The following CCDC62 variants were observed in gnomAD, a reference collection of about 807,000 sequenced individuals.
CCDC62 encodes the protein coiled-coil domain-containing protein 62.
CCDC62 carries 72 observed loss-of-function variants against 80.8 expected under a neutral mutation model. The observed-to-expected ratio is 0.89, with a 90% CI of 0.74 to 1.08. CCDC62 has a LOEUF of 1.08. Among genes scored for constraint, CCDC62 ranks in the 50% least tolerant of loss-of-function variants. The pLI is 0.00. For synonymous variants in CCDC62, 286 were observed against 296.5 expected (o/e 0.96, Z 0.36); for missense variants, 704 against 809.4 (o/e 0.87, Z 1.58).
intron 10 of CCDC62, among the ~76,000 whole-genome samples, chr12:122,811,091 G>A (rs1267343771): frequency 6.6e-6 from 1 of 151,334 alleles, no homozygotes; most frequent in East Asian, 1.9e-4. Context: ...AATGGGTGCA[G>A]CACACCAACA....
intron 5 of CCDC62, among the ~76,000 whole-genome samples, chr12:122,790,144 G>A (rs1201522282): frequency 6.6e-6 from 1 of 151,896 alleles, no homozygotes; most frequent in Non-Finnish European, 1.5e-5. Context: ...TCCACCTCCT[G>A]GGTTCAAGCA....
In CCDC62 at chr12:122,788,858, G is replaced by A; in HGVS notation, c.599G>A (p.Cys200Tyr). The part of the protein sequence containing the change: ...ALRDAKMAET[C>Y]IVKEKQDYKQ... ...CGTGATGCCAAGATGGCGGAGACTT[G>A]TATTGTGAAAGAAAAGCAAGATTAT... The change falls in exon 5 of 13, where the codon TGT (cysteine) becomes TAT (tyrosine). Residue 200 changes from cysteine (C) to tyrosine (Y), a missense_variant. Coordinates refer to ENST00000253079, the MANE Select transcript of CCDC62 (RefSeq NM_201435.5). The A allele has an allele frequency of 6.2e-7, 1 of 1,611,466 alleles. No homozygotes were observed. Among genetic ancestry groups the A allele is most frequent in the African/African-American group, 1.3e-5 (1 of 74,954 alleles).
chr12:122,805,752 C>T (rs182850726), intron 9 of CCDC62, among the ~76,000 whole-genome samples: 11 of 151,876 alleles, frequency 7.2e-5, no homozygotes, highest in Non-Finnish European at 1.3e-4. Context: ...CCTCCTGATC[C>T]GCCTGCCTCT....
intron 6 of CCDC62, 81 bp downstream of exon 6, chr12:122,792,202 G>GTTTTT (rs760554062): frequency 1.6e-5 from 8 of 500,100 alleles, no homozygotes; most frequent in East Asian, 3.7e-5. Flanking sequence ...TCCCAAAATG[G>GTTTTT]TTTTTTTTTT....
intron 11 of CCDC62, among the ~76,000 whole-genome samples, chr12:122,818,962 T>A (rs1671682): frequency 0.11 from 16,730 of 152,036 alleles, 2,156 homozygotes; most frequent in African/African-American, 0.31. Context: ...GCTAGAAAGA[T>A]CCAGAAGAGA....
At chr12:122,817,413 T>G (rs1355571360) in intron 11 of CCDC62, among the ~76,000 whole-genome samples, 1 of 151,472 alleles carries the variant, frequency 6.6e-6, no homozygotes, top group Non-Finnish European at 1.5e-5. Context: ...TTTCCTCCAC[T>G]TCCTGGGTTC....
At position 122,778,488 on chromosome 12, in the gene CCDC62, A is replaced by C. The variant is rs896677160; in HGVS notation, c.229+805A>C. ...TCCATTGACTCTAGATTGTTAGTAG[A>C]ATGCATTAGAGGAGAAAACACTAGA... On this transcript the variant is annotated intron_variant, in intron 2 of 12. Transcript: ENST00000253079. Among the ~76,000 whole-genome samples, 29 of 152,158 alleles carry C rather than the reference A, an allele frequency of 1.9e-4. 1 individual carries two copies. The highest frequency in any genetic ancestry group is 1.8e-3 in the Admixed American group (27 of 15,266).
intron 8 of CCDC62, among the ~76,000 whole-genome samples, chr12:122,798,819 C>T (rs2031122575): frequency 6.6e-6 from 1 of 151,756 alleles, no homozygotes; most frequent in African/African-American, 2.4e-5. Flanking sequence ...GTGGCTCATG[C>T]CTGTAATCCC....
intron 6 of CCDC62, 47 bp from the exon 7 acceptor site, chr12:122,797,260 G>A (rs781358641): frequency 3.4e-6 from 3 of 888,376 alleles, no homozygotes; most frequent in African/African-American, 3.3e-5. Flanking sequence ...AGAGGTTTGT[G>A]TGGCTATAGC....
At chr12:122,796,181 C>T in intron 6 of CCDC62, among the ~76,000 whole-genome samples, 1 of 151,468 alleles carries the variant, frequency 6.6e-6, no homozygotes, top group East Asian at 1.9e-4. Flanking sequence ...TTTCTTTGAC[C>T]ACCTGCCCTC....
In CCDC62 at chr12:122,788,912, A is replaced by G; in HGVS notation, c.653A>G (p.Glu218Gly). Residue 218 changes from glutamate (E) to glycine (G), a missense_variant, in exon 5 of 13, where the codon GAA becomes GGA. Glu to Gly is a moderately conservative substitution (Grantham distance 98). Transcript: ENST00000253079. ...CAGAAATTGAAGGCACTTAAGATTG[A>G]AGTCAACAAACTAAAAGGTAAGGAA... ...YKQKLKALKIEVNKLKEDLNE... is the reference protein window; with the variant it reads ...YKQKLKALKIGVNKLKEDLNE... 6.3e-7 allele frequency: 1 copy of G among 1,596,426 alleles called. No homozygotes were observed. The highest frequency in any genetic ancestry group is 8.5e-7 in the Non-Finnish European group (1 of 1,175,450).
Position 122,797,343 on chromosome 12 carries a change from T to C in CCDC62, c.809T>C (p.Ile270Thr). The C allele has an allele frequency of 6.3e-7, 1 of 1,597,250 alleles. No individual in the cohort carries two copies. The highest frequency in any genetic ancestry group is 8.6e-7 in the Non-Finnish European group (1 of 1,165,050). The change falls in exon 7 of 13, where the codon ATT becomes ACT. Residue 270 changes from isoleucine to threonine, a missense_variant. Coordinates refer to ENST00000253079, the MANE Select transcript of CCDC62 (RefSeq NM_201435.5). ...REKRKDELLN[I>T]AKSKQERTNS... ...AAGAGGAAAGATGAATTGCTTAATA[T>C]TGCGAAGTCAAAGCAAGAACGCACA...
At chr12:122,794,273 C>A (rs1460026840) in intron 6 of CCDC62, among the ~76,000 whole-genome samples, 1 of 152,190 alleles carries the variant, frequency 6.6e-6, no homozygotes, top group Non-Finnish European at 1.5e-5. Context: ...CAGCTCACTG[C>A]AGCCTCAAAC....
chr12:122,813,271 C>T lies in CCDC62; in HGVS notation c.1853C>T (p.Ala618Val), dbSNP rs766513080. ...AAGGTGCCTCTTAATTTCCTGTAGG[C>T]TTCAATTGTGTTACCCTCCCAGGAT... is the stretch of plus-strand genomic sequence containing the variant. ...YKDAPAFNEK[A>V]SIVLPSQDDF... The change falls in exon 11 of 13, where the codon GCT becomes GTT. Residue 618 changes from alanine (A) to valine (V), a missense_variant and splice_region_variant. Ala to Val is a moderately conservative substitution (Grantham distance 64, BLOSUM62 0). Transcript: ENST00000253079. 6.2e-7 allele frequency: 1 copy of T among 1,606,810 alleles called. No homozygotes were observed. Among genetic ancestry groups the T allele is most frequent in the East Asian group, 2.2e-5 (1 of 44,688 alleles).
chr12:122,796,877 CTTTT>C (rs11300322), intron 6 of CCDC62, among the ~76,000 whole-genome samples: 1 of 36,874 alleles, frequency 2.7e-5, no homozygotes, highest in Non-Finnish European at 1.2e-4. Context: ...ATCACTTCTT[CTTTT>C]TTTTTTTTTT....
chr12:122,808,473 G>A (rs928535055), intron 10 of CCDC62, among the ~76,000 whole-genome samples: 13 of 151,184 alleles, frequency 8.6e-5, no homozygotes, highest in Admixed American at 1.3e-4. Flanking sequence ...TTTTTTTTTC[G>A]TTTATCTAGG....
chr12:122,778,552 T>C (rs555466371), intron 2 of CCDC62, among the ~76,000 whole-genome samples: 3 of 152,140 alleles, frequency 2.0e-5, no homozygotes, highest in Non-Finnish European at 4.4e-5. Context: ...TACTTAACAT[T>C]ACTCAAAGGA....
chr12:122,784,478 G>C lies in CCDC62; in HGVS notation c.397-1241G>C, dbSNP rs934267538. Among the ~76,000 whole-genome samples, 6 of 152,012 alleles carry C rather than the reference G, an allele frequency of 3.9e-5. No homozygotes were observed. In the South Asian group the frequency reaches 1.3e-3, roughly 32 times the overall value. ...AGAGGTTGTAGTGAGCCAAGACCAC[G>C]CCACTGCACTCCAGCCTGGCAACAG... On this transcript the variant is annotated intron_variant, in intron 3 of 12. Transcript: ENST00000253079.
intron 4 of CCDC62, among the ~76,000 whole-genome samples, chr12:122,786,370 G>C (rs1016823770): frequency 6.6e-6 from 1 of 151,746 alleles, no homozygotes; most frequent in Non-Finnish European, 1.5e-5. Context: ...GGATGGTCTC[G>C]ATCTCCTGAC....
Sources: allele counts gnomAD v4.1 joint callset (sites outside exome capture counted in the v4.1 genomes callset), GRCh38; gene constraint gnomAD v4.1.1; transcripts MANE v1.5; gene names NCBI Gene and HGNC (gene_info 2026-07-23, HGNC 2026-07-21).